The following HAPLN1 variants were observed in gnomAD, a reference collection of about 807,000 sequenced individuals.
The protein encoded by HAPLN1 is Cartilage link protein.
In HAPLN1, 13 loss-of-function variants were observed where a neutral mutation model predicts 36.5. That is an observed-to-expected ratio of 0.36 (90% CI 0.23 to 0.57). The LOEUF (loss-of-function observed/expected upper bound fraction) is 0.57. Among genes scored for constraint, HAPLN1 ranks in the 20% least tolerant of loss-of-function variants. The probability of loss-of-function intolerance (pLI) is 0.83; values close to 1 mark genes in which losing one functional copy is unlikely to be tolerated. For missense variants in HAPLN1, 407 were observed against 439.7 expected (o/e 0.93, Z 0.66); for synonymous variants, 202 against 169.8 (o/e 1.19, Z -1.48).
intron 1 of HAPLN1, among the ~76,000 whole-genome samples, chr5:83,696,011 T>C (rs1418240655): frequency 6.6e-6 from 1 of 151,856 alleles, no homozygotes; most frequent in Non-Finnish European, 1.5e-5. Context: ...CATGACAGTC[T>C]ACACAGAAAA....
Position 83,688,087 on chromosome 5 carries a change from T to C in HAPLN1, c.-26-14538A>G, listed in dbSNP as rs535392544. Among the ~76,000 whole-genome samples, 27 of 152,124 alleles carry C rather than the reference T, an allele frequency of 1.8e-4. No homozygotes were observed. The East Asian group carries it at 3.1e-3, about 17-fold the overall frequency. On this transcript the variant is annotated intron_variant, in intron 1 of 4. Coordinates refer to ENST00000274341, the MANE Select transcript of HAPLN1 (RefSeq NM_001884.4). ...GTATCCAGGACATTCTAGCTATGCA[T>C]GCATCTACACTTTCAGGATTTCTGG...
intron 2 of HAPLN1, among the ~76,000 whole-genome samples, chr5:83,671,895 T>A (rs1750736604): frequency 6.6e-6 from 1 of 152,200 alleles, no homozygotes; most frequent in Non-Finnish European, 1.5e-5. Flanking sequence ...ATGCAAATAA[T>A]CTGGATAATC....
intron 1 of HAPLN1, among the ~76,000 whole-genome samples, chr5:83,683,896 C>T (rs1192590445): frequency 6.6e-6 from 1 of 152,060 alleles, no homozygotes; most frequent in Non-Finnish European, 1.5e-5. Flanking sequence ...AGTGTACATT[C>T]TCAGTAGGCA....
chr5:83,706,631 A>G (rs1215974915), intron 1 of HAPLN1, among the ~76,000 whole-genome samples: 1 of 152,220 alleles, frequency 6.6e-6, no homozygotes, highest in Non-Finnish European at 1.5e-5. Context: ...ATTATACTGA[A>G]TGGGCAAAAG....
At position 83,644,549 on chromosome 5, in the gene HAPLN1, C is replaced by A. The variant is rs768246020; in HGVS notation, c.589G>T (p.Ala197Ser). The A allele has an allele frequency of 2.5e-6, 4 of 1,604,898 alleles. No homozygotes were observed. In the East Asian group the frequency reaches 6.8e-5, roughly 27 times the overall value. ...CACCAGTCCAGCCCGCCCCGCCAGG[C>A]GTCGTACAGCTGGTCGAAGGAGGCG... ...VIASFDQLYD[A>S]WRGGLDWCNA... Residue 197 changes from alanine to serine, a missense_variant, in exon 4 of 5, where the codon GCC becomes TCC. Physicochemically the swap from Ala to Ser is moderately conservative, Grantham distance 99. Transcript: ENST00000274341.
intron 1 of HAPLN1, chr5:83,686,161 A>G (rs926868810): frequency 6.0e-5 from 9 of 151,150 alleles, no homozygotes; most frequent in Admixed American, 1.3e-4. Context: ...AAAAAAAAAA[A>G]AAAGAAATGT....
At chr5:83,693,725 A>G (rs959327277) in intron 1 of HAPLN1, among the ~76,000 whole-genome samples, 1 of 151,938 alleles carries the variant, frequency 6.6e-6, no homozygotes, top group African/African-American at 2.4e-5. Flanking sequence ...AAATATCAGC[A>G]GGGGAAAAGA....
intron 1 of HAPLN1, among the ~76,000 whole-genome samples, chr5:83,683,420 G>C (rs986177564): frequency 1.3e-5 from 2 of 152,182 alleles, no homozygotes; most frequent in African/African-American, 4.8e-5. Flanking sequence ...GAGCAGCTAC[G>C]AAAAACTAAG....
At chr5:83,645,477 T>TTC (rs1366026869) in intron 3 of HAPLN1, among the ~76,000 whole-genome samples, 2 of 72,022 alleles carry the variant, frequency 2.8e-5, no homozygotes, top group African/African-American at 7.7e-5. Flanking sequence ...TTTTCTTTCT[T>TTC]TTTTTTTTTT....
intron 1 of HAPLN1, chr5:83,703,320 T>C (rs1036359163): frequency 1.3e-5 from 2 of 152,216 alleles, no homozygotes; most frequent in African/African-American, 4.8e-5. Context: ...TTCTAAACTT[T>C]CCTAAACTCA....
At chr5:83,700,506 A>G (rs1350425646) in intron 1 of HAPLN1, among the ~76,000 whole-genome samples, 1 of 152,196 alleles carries the variant, frequency 6.6e-6, no homozygotes, top group African/African-American at 2.4e-5. Context: ...GAATAGAGAA[A>G]GGAGAAAATT....
chr5:83,700,119 A>G (rs369718934), intron 1 of HAPLN1, among the ~76,000 whole-genome samples: 23 of 150,034 alleles, frequency 1.5e-4, no homozygotes, highest in African/African-American at 5.2e-4. Flanking sequence ...ACTTTAACCC[A>G]GGAGGCGGAG....
intron 1 of HAPLN1, among the ~76,000 whole-genome samples, chr5:83,679,601 G>A (rs1019773712): frequency 7.9e-5 from 12 of 151,608 alleles, no homozygotes; most frequent in African/African-American, 1.7e-4. Context: ...GATATTTGAC[G>A]TGGTCATAGG....
Position 83,644,556 on chromosome 5 carries a change from C to G in HAPLN1, c.582G>C (p.Leu194=), listed in dbSNP as rs1008202800. 6.2e-7 allele frequency: 1 copy of G among 1,602,654 alleles called. No homozygotes were observed. Among genetic ancestry groups the G allele is most frequent in the Non-Finnish European group, 8.5e-7 (1 of 1,175,046 alleles). ...QDAVIASFDQ[L]YDAWRGGLDW... ...CCAGCCCGCCCCGCCAGGCGTCGTA[C>G]AGCTGGTCGAAGGAGGCGATCACAG... is the stretch of plus-strand genomic sequence containing the variant. The change falls in exon 4 of 5, where the codon CTG becomes CTC. Residue 194 remains leucine (L), a synonymous_variant. Transcript: ENST00000274341.
Position 83,639,826 on chromosome 5 carries a change from A to G in HAPLN1, c.*1670T>C, listed in dbSNP as rs1459837539. 3 of 152,214 alleles carry G rather than the reference A, an allele frequency of 2.0e-5. No homozygotes were observed. Among genetic ancestry groups the G allele is most frequent in the East Asian group, 3.9e-4 (2 of 5,182 alleles). The allele number at this position is 152,214 out of a possible 1,614,324, so 9.4% of individuals were successfully genotyped here. A position where few individuals can be genotyped will look rare whatever the true frequency, so the allele number is the denominator to read the frequency against. On this transcript the variant is annotated 3_prime_UTR_variant, in exon 5 of 5. Coordinates refer to ENST00000274341, the MANE Select transcript of HAPLN1 (RefSeq NM_001884.4). ...CTGAAAATTTTCAGATATGTTTTTG[A>G]TGAAAGAAAGGACCTACTTTTATTA... is the stretch of plus-strand genomic sequence containing the variant.
At chr5:83,713,701 A>G (rs1450738398) in intron 1 of HAPLN1, among the ~76,000 whole-genome samples, 4 of 152,264 alleles carry the variant, frequency 2.6e-5, no homozygotes, top group East Asian at 1.9e-4. Context: ...AGAAACTTCT[A>G]TTCTTCCTAT....
intron 1 of HAPLN1, among the ~76,000 whole-genome samples, chr5:83,692,464 A>G (rs1482534346): frequency 6.6e-6 from 1 of 151,972 alleles, no homozygotes; most frequent in Non-Finnish European, 1.5e-5. Context: ...GCAAGCAAGA[A>G]GACTGTGGAA....
At position 83,652,722 on chromosome 5, in the gene HAPLN1, G is replaced by C; in HGVS notation, c.203C>G (p.Thr68Arg). ...TLPCKFYRDP[T>R]AFGSGIHKIR... The stretch of plus-strand genomic sequence containing the variant: ...TTTATGGATTCCTGAGCCAAATGCT[G>C]TAGGGTCTCGATAAAATTTACATGG... Residue 68 changes from threonine (T) to arginine (R), a missense_variant, in exon 3 of 5, where the codon ACA (threonine) becomes AGA (arginine). Thr to Arg is a moderately conservative substitution (Grantham distance 71). Coordinates refer to ENST00000274341, the MANE Select transcript of HAPLN1 (RefSeq NM_001884.4). 6.2e-7 allele frequency: 1 copy of C among 1,614,078 alleles called. No individual in the cohort carries two copies. The highest frequency in any genetic ancestry group is 1.3e-5 in the African/African-American group (1 of 75,022).
intron 1 of HAPLN1, among the ~76,000 whole-genome samples, chr5:83,718,080 A>G (rs898811619): frequency 1.3e-5 from 2 of 152,208 alleles, no homozygotes; most frequent in Non-Finnish European, 2.9e-5. Flanking sequence ...GAACAATTCC[A>G]TGACCTGTCT....
Sources: gnomAD v4.1 joint callset for allele counts (sites outside exome capture counted in the v4.1 genomes callset) on GRCh38, gnomAD v4.1.1 for gene constraint, MANE v1.5 for transcripts, NCBI Gene and HGNC (gene_info 2026-07-23, HGNC 2026-07-21) for gene names.